Variants in KLRG1 observed in about 807,000 individuals in gnomAD.
KLRG1 encodes killer cell lectin-like receptor subfamily G member 1.
In KLRG1, 16 loss-of-function variants were observed where a neutral mutation model predicts 21.8. That is an observed-to-expected ratio of 0.73 (90% CI 0.50 to 1.11). KLRG1 has a LOEUF of 1.11. KLRG1 is among the 50% of genes most tolerant of loss of function. The pLI is 0.00. For synonymous variants in KLRG1, 69 were observed against 75.9 expected (o/e 0.91, Z 0.47); for missense variants, 173 against 218.3 (o/e 0.79, Z 1.31).
intron 1 of KLRG1, among the ~76,000 whole-genome samples, chr12:8,977,730 T>A (rs1002940329): frequency 2.0e-5 from 3 of 152,222 alleles, no homozygotes; most frequent in African/African-American, 4.8e-5. Context: ...TCTGTAACAC[T>A]TAGTGGTTAC....
At chr12:9,169,411 TAAG>T in the KLRG1 span, 1 of 1,562,648 alleles carries the variant, frequency 6.4e-7, no homozygotes, top group Non-Finnish European at 8.7e-7. Context: ...AGCATGTTAA[TAAG>T]TAGTGAGAAT....
At chr12:9,190,291 A>G in the KLRG1 span, among the ~76,000 whole-genome samples, 1 of 152,252 alleles carries the variant, frequency 6.6e-6, no homozygotes, top group Non-Finnish European at 1.5e-5. Flanking sequence ...AATGTGGTAC[A>G]TACACACCAT....
At chr12:9,165,989 G>A in the KLRG1 span, 1 of 1,528,260 alleles carries the variant, frequency 6.5e-7, no homozygotes, top group Non-Finnish European at 8.8e-7. Flanking sequence ...TCTTAGAATT[G>A]AAAATGTTGG....
the KLRG1 span, chr12:9,074,583 G>C: frequency 6.2e-7 from 1 of 1,612,550 alleles, no homozygotes; most frequent in Non-Finnish European, 8.5e-7. Context: ...AAACCGCCCT[G>C]GGCATTCTGC....
the KLRG1 span, chr12:9,168,862 GTT>G: frequency 6.3e-7 from 1 of 1,599,004 alleles, no homozygotes; most frequent in Non-Finnish European, 8.6e-7. Context: ...GCAAATTGCT[GTT>G]TTACCTCCAT....
At chr12:8,997,947 C>T (rs1013520179) in intron 3 of KLRG1, among the ~76,000 whole-genome samples, 1 of 151,968 alleles carries the variant, frequency 6.6e-6, no homozygotes, top group African/African-American at 2.4e-5. Flanking sequence ...CCTCCACGCC[C>T]GACCTTTATG....
chr12:9,059,740 T>C, the KLRG1 span, among the ~76,000 whole-genome samples: 2 of 152,140 alleles, frequency 1.3e-5, no homozygotes, highest in African/African-American at 4.8e-5. Context: ...GGCTGGAGTG[T>C]GGTGACATGA....
the KLRG1 span, chr12:9,072,390 G>A: frequency 1.9e-6 from 3 of 1,613,860 alleles, no homozygotes; most frequent in Non-Finnish European, 2.5e-6. Context: ...AAGCTGGTGT[G>A]GGCTTTGGGT....
chr12:9,011,854 C>T (rs745732943), downstream of KLRG1, among the ~76,000 whole-genome samples: 2 of 152,080 alleles, frequency 1.3e-5, no homozygotes, highest in African/African-American at 4.8e-5. Context: ...CAGTGGAACT[C>T]GGTGCAGCTC....
At chr12:9,177,486 C>T in the KLRG1 span, among the ~76,000 whole-genome samples, 329 of 152,330 alleles carry the variant, frequency 2.2e-3, 2 homozygotes, top group South Asian at 5.6e-3. Flanking sequence ...TCCTGACTCA[C>T]AGAAATTGCA....
At chr12:9,138,795 T>G in the KLRG1 span, among the ~76,000 whole-genome samples, 1 of 152,120 alleles carries the variant, frequency 6.6e-6, no homozygotes, top group Non-Finnish European at 1.5e-5. Context: ...TCACTTATGA[T>G]CATTTTTATT....
At chr12:9,116,058 T>G in the KLRG1 span, 27 of 573,896 alleles carry the variant, frequency 4.7e-5, no homozygotes, top group South Asian at 4.7e-4. Flanking sequence ...ATAGTCAAGG[T>G]TAATTCCTGG....
the KLRG1 span, among the ~76,000 whole-genome samples, chr12:9,110,640 C>T: frequency 6.6e-6 from 1 of 151,666 alleles, no homozygotes; most frequent in Non-Finnish European, 1.5e-5. Context: ...TTATCATGCA[C>T]TGCATGCCTG....
the KLRG1 span, among the ~76,000 whole-genome samples, chr12:9,209,841 T>C: frequency 6.6e-6 from 1 of 152,156 alleles, no homozygotes; most frequent in Non-Finnish European, 1.5e-5. Flanking sequence ...TTGTAAAATA[T>C]GTCATCACTA....
At chr12:9,170,780 G>T in the KLRG1 span, among the ~76,000 whole-genome samples, 1 of 152,160 alleles carries the variant, frequency 6.6e-6, no homozygotes, top group East Asian at 1.9e-4. This position sits in a 1 kb window ranked among gnomAD's most constrained non-coding sequence, Gnocchi z 4.6. Context: ...CCTCCTCATC[G>T]AGTGGGACCT....
the KLRG1 span, chr12:9,064,581 A>C: frequency 6.5e-6 from 1 of 155,004 alleles, no homozygotes; most frequent in Non-Finnish European, 1.4e-5. This position sits in a 1 kb window ranked among gnomAD's most constrained non-coding sequence, Gnocchi z 4.0. Flanking sequence ...GAGGAGGGGA[A>C]CAGTCCTTGG....
chr12:9,202,519 A>G, the KLRG1 span: 4 of 1,613,842 alleles, frequency 2.5e-6, no homozygotes, highest in South Asian at 1.1e-5. Context: ...GAATTTCCCT[A>G]CTTACCTGTC....
chr12:9,075,446 TAAAA>T, the KLRG1 span, among the ~76,000 whole-genome samples: 5 of 151,722 alleles, frequency 3.3e-5, no homozygotes, highest in African/African-American at 1.2e-4. Flanking sequence ...TAGCAAAACA[TAAAA>T]AAAATCCATG....
At chr12:9,115,667 C>G in the KLRG1 span, 1 of 871,682 alleles carries the variant, frequency 1.1e-6, no homozygotes, top group Non-Finnish European at 1.9e-6. Context: ...AAGAAGATGA[C>G]AGTATCATAG....
Sources: gnomAD v4.1 joint callset for allele counts (sites outside exome capture counted in the v4.1 genomes callset) on GRCh38, gnomAD v4.1.1 for gene constraint, Gnocchi (gnomAD v3.1) non-coding constraint, MANE v1.5 for transcripts, NCBI Gene and HGNC (gene_info 2026-07-23, HGNC 2026-07-21) for gene names.